Variants in SLC36A1 observed in about 807,000 individuals in gnomAD.
The protein encoded by SLC36A1 is proton-coupled amino acid transporter 1.
SLC36A1 carries 30 observed loss-of-function variants against 47.5 expected under a neutral mutation model. The observed-to-expected ratio is 0.63, with a 90% CI of 0.47 to 0.86. The LOEUF is 0.86. Among genes scored for constraint, SLC36A1 ranks in the 40% least tolerant of loss-of-function variants. SLC36A1 has a pLI of 0.00. For synonymous variants in SLC36A1, 255 were observed against 249.7 expected (o/e 1.02, Z -0.20); for missense variants, 517 against 606.0 (o/e 0.85, Z 1.54).
chr5:151,462,487 C>G (rs1755668987), intron 2 of SLC36A1, among the ~76,000 whole-genome samples: 1 of 151,884 alleles, frequency 6.6e-6, no homozygotes, highest in South Asian at 2.1e-4. Context: ...GCCTCAGCCT[C>G]CCGAGTAGCT....
At chr5:151,450,494 C>T (rs184842829) in intron 1 of SLC36A1, among the ~76,000 whole-genome samples, 95 of 125,800 alleles carry the variant, frequency 7.6e-4, no homozygotes, top group African/African-American at 2.7e-3. Flanking sequence ...GTGGGATGGA[C>T]GGAACTGGTG....
the SLC36A1 span, among the ~76,000 whole-genome samples, chr5:151,394,097 T>C: frequency 9.8e-4 from 149 of 152,324 alleles, no homozygotes; most frequent in African/African-American, 3.4e-3. Context: ...AGGTTTTGTT[T>C]GTTTCCTTTT....
At chr5:151,451,761 A>G (rs1704141030) in intron 1 of SLC36A1, among the ~76,000 whole-genome samples, 1 of 152,194 alleles carries the variant, frequency 6.6e-6, no homozygotes, top group Non-Finnish European at 1.5e-5. Flanking sequence ...GAGTCACACT[A>G]CCAGACTGCA....
At chr5:151,407,028 G>A in the SLC36A1 span, among the ~76,000 whole-genome samples, 17 of 150,848 alleles carry the variant, frequency 1.1e-4, no homozygotes, top group East Asian at 5.8e-4. Context: ...TAAAGGTGGC[G>A]CGTCCAGAGT....
the SLC36A1 span, among the ~76,000 whole-genome samples, chr5:151,408,665 T>G: frequency 6.6e-6 from 1 of 152,206 alleles, no homozygotes; most frequent in Non-Finnish European, 1.5e-5. Context: ...GAAATGCACC[T>G]TGAAAAACCA....
chr5:151,500,190 C>T, the SLC36A1 span, among the ~76,000 whole-genome samples: 47 of 152,258 alleles, frequency 3.1e-4, no homozygotes, highest in African/African-American at 1.1e-3. Flanking sequence ...CGAACCCAAA[C>T]GTAAGGCGCA....
the SLC36A1 span, among the ~76,000 whole-genome samples, chr5:151,535,741 G>C: frequency 6.6e-6 from 1 of 152,314 alleles, no homozygotes; most frequent in South Asian, 2.1e-4. Context: ...TCTGGGTAAG[G>C]GGGTAGAGTC....
chr5:151,527,344 C>A, the SLC36A1 span: 1 of 1,612,388 alleles, frequency 6.2e-7, no homozygotes, highest in Non-Finnish European at 8.5e-7. Flanking sequence ...TGCCCACTGT[C>A]TGTGGCTCGG....
chr5:151,379,997 G>A, the SLC36A1 span, among the ~76,000 whole-genome samples: 2 of 151,750 alleles, frequency 1.3e-5, no homozygotes, highest in Non-Finnish European at 2.9e-5. Flanking sequence ...TTAACTCAAA[G>A]CAAGGTGAAG....
chr5:151,424,578 T>C, the SLC36A1 span, among the ~76,000 whole-genome samples: 3 of 152,210 alleles, frequency 2.0e-5, 1 homozygote, highest in Non-Finnish European at 4.4e-5. Context: ...AAAGAGCAGA[T>C]ATTAATCACT....
chr5:151,534,652 G>T, the SLC36A1 span: 2 of 1,599,132 alleles, frequency 1.3e-6, no homozygotes, highest in Non-Finnish European at 1.7e-6. Context: ...CCTGGTCGGA[G>T]AAATGACAAA....
chr5:151,430,841 G>A, the SLC36A1 span, among the ~76,000 whole-genome samples: 1 of 152,116 alleles, frequency 6.6e-6, no homozygotes. Context: ...GATCAGTCTT[G>A]GCTCCTCTAA....
At chr5:151,433,243 TA>T (rs1759502820), upstream of SLC36A1, among the ~76,000 whole-genome samples, 7 of 12,064 alleles carry the variant, frequency 5.8e-4, no homozygotes, top group Non-Finnish European at 9.7e-4. Context: ...TATATATATA[TA>T]TATATATATA....
chr5:151,353,068 A>AAG, the SLC36A1 span, among the ~76,000 whole-genome samples: 1 of 152,190 alleles, frequency 6.6e-6, no homozygotes, highest in Non-Finnish European at 1.5e-5. Context: ...GCTAGAGAAA[A>AAG]AGAGATTCTC....
chr5:151,464,578 A>G lies in SLC36A1; in HGVS notation c.299A>G (p.Lys100Arg). Reference protein sequence around the residue: ...VAVHCMGILVKCAHHFCRRLN... With the variant: ...VAVHCMGILVRCAHHFCRRLN... ...GTGCACTGCATGGGTATCCTGGTGA[A>G]ATGTGCTCACCACTTCTGCCGCAGG... Residue 100 changes from lysine (K) to arginine (R), a missense_variant, in exon 4 of 11, where the codon AAA becomes AGA. Transcript: ENST00000243389. 3.7e-6 allele frequency: 6 copies of G among 1,614,074 alleles called. No individual in the cohort carries two copies. The highest frequency in any genetic ancestry group is 5.1e-6 in the Non-Finnish European group (6 of 1,180,008).
chr5:151,357,533 G>A, the SLC36A1 span, among the ~76,000 whole-genome samples: 2 of 152,238 alleles, frequency 1.3e-5, no homozygotes, highest in East Asian at 1.9e-4. Context: ...ATAACCTAAA[G>A]CAGGGGTTAG....
At chr5:151,410,239 G>GGATA in the SLC36A1 span, among the ~76,000 whole-genome samples, 18,858 of 141,384 alleles carry the variant, frequency 0.13, 1,518 homozygotes, top group East Asian at 0.32. Flanking sequence ...GCCAGCTCAA[G>GGATA]GATATTCAAT....
intron 1 of SLC36A1, among the ~76,000 whole-genome samples, chr5:151,453,216 TTAAAA>T (rs1753935731): frequency 6.6e-6 from 1 of 150,974 alleles, no homozygotes; most frequent in African/African-American, 2.4e-5. Flanking sequence ...AATAAATAAA[TTAAAA>T]TAAATAAATA....
At chr5:151,531,798 C>A in the SLC36A1 span, 2 of 1,613,102 alleles carry the variant, frequency 1.2e-6, no homozygotes, top group Middle Eastern at 1.6e-4. This position sits in a 1 kb window ranked among gnomAD's most constrained non-coding sequence, Gnocchi z 5.7. Flanking sequence ...CGGTGCCCAG[C>A]GTGGACAGCG....
Sources: gnomAD v4.1 joint callset for allele counts (sites outside exome capture counted in the v4.1 genomes callset) on GRCh38, gnomAD v4.1.1 for gene constraint, Gnocchi (gnomAD v3.1) non-coding constraint, MANE v1.5 for transcripts, NCBI Gene and HGNC (gene_info 2026-07-23, HGNC 2026-07-21) for gene names.